The following EYS variants were observed in gnomAD, a reference collection of about 807,000 sequenced individuals.
EYS encodes the protein EGF-like photoreceptor maintenance factor.
EYS carries 250 observed loss-of-function variants against 282.1 expected under a neutral mutation model. The observed-to-expected ratio is 0.89, with a 90% CI of 0.80 to 0.98. EYS has a LOEUF of 0.98. Among genes scored for constraint, EYS ranks in the 50% least tolerant of loss-of-function variants. The pLI is 0.00. For missense variants in EYS, 4,016 were observed against 3,709.0 expected, an observed-to-expected ratio of 1.08 and a Z score of -2.15; for synonymous variants, 1,355 against 1,282.9, an observed-to-expected ratio of 1.06 and a Z score of -1.20.
At chr6:64,175,496 G>A (rs911386561) in intron 31 of EYS, among the ~76,000 whole-genome samples, 7 of 152,262 alleles carry the variant, frequency 4.6e-5, no homozygotes, top group African/African-American at 9.6e-5. Flanking sequence ...TCGTGAGAGC[G>A]TACGTAAATT....
intron 8 of EYS, among the ~76,000 whole-genome samples, chr6:65,363,427 A>C (rs1562123660): frequency 6.6e-6 from 1 of 151,936 alleles, no homozygotes; most frequent in Non-Finnish European, 1.5e-5. Context: ...GACTCTACTC[A>C]TTTTTTGTTA....
chr6:65,565,909 G>A lies in EYS; in HGVS notation c.-332-69916C>T, dbSNP rs9453332. 3.0e-3 allele frequency among the ~76,000 whole-genome samples: 449 copies of A among 152,020 alleles called. 3 individuals carry two copies. The highest frequency in any genetic ancestry group is 0.01 in the African/African-American group (426 of 41,478). ...TGGGAGTTGAACAATTAGAACATAC[G>A]GACACAGGGAGGGGAACATCACACA... On this transcript the variant is annotated intron_variant, in intron 2 of 42. Coordinates refer to ENST00000503581, the MANE Select transcript of EYS (RefSeq NM_001142800.2).
At chr6:64,095,978 T>A (rs1772594875) in intron 31 of EYS, among the ~76,000 whole-genome samples, 1 of 152,218 alleles carries the variant, frequency 6.6e-6, no homozygotes, top group Admixed American at 6.5e-5. Context: ...AGCATTTGCT[T>A]ATCTGTAAAG....
At chr6:65,062,235 A>G (rs780831896) in intron 12 of EYS, among the ~76,000 whole-genome samples, 1 of 151,890 alleles carries the variant, frequency 6.6e-6, no homozygotes, top group Non-Finnish European at 1.5e-5. Flanking sequence ...ATGGGCAAAC[A>G]AAACTCTCTA....
chr6:64,959,854 T>G (rs989893235), intron 14 of EYS, among the ~76,000 whole-genome samples: 2 of 151,354 alleles, frequency 1.3e-5, no homozygotes, highest in African/African-American at 4.9e-5. Flanking sequence ...GCAAACACAG[T>G]TAAGTAGTTC....
intron 12 of EYS, among the ~76,000 whole-genome samples, chr6:65,139,297 C>T (rs1004281387): frequency 6.6e-6 from 1 of 152,042 alleles, no homozygotes; most frequent in Non-Finnish European, 1.5e-5. Context: ...ATGGATGGAA[C>T]TGAAGGCCGT....
chr6:64,334,945 C>T (rs1297411803), intron 29 of EYS, among the ~76,000 whole-genome samples: 5 of 152,104 alleles, frequency 3.3e-5, no homozygotes, highest in Middle Eastern at 3.4e-3. Context: ...AGGTGTATGC[C>T]TAATGGTTCC....
chr6:64,463,991 A>C lies in EYS; in HGVS notation c.5645-24639T>G, dbSNP rs557464041. Among the ~76,000 whole-genome samples, 4 of 152,304 alleles carry C rather than the reference A, an allele frequency of 2.6e-5. No homozygotes were observed. In the South Asian group the frequency reaches 8.3e-4, roughly 32 times the overall value. On this transcript the variant is annotated intron_variant, in intron 26 of 42. Transcript: ENST00000503581. The stretch of plus-strand genomic sequence containing the variant: ...CAAAGCCAGATAAGGTCACAACAAA[A>C]AGATAAAATTACAGACCAACGTCCT...
chr6:64,946,033 G>T, intron 14 of EYS, 119 bp from the exon 15 acceptor site: 1 of 753,730 alleles, frequency 1.3e-6, no homozygotes, highest in Non-Finnish European at 2.0e-6. Context: ...TAGTTTTATA[G>T]AATGCCAATA....
intron 22 of EYS, among the ~76,000 whole-genome samples, chr6:64,755,350 G>C (rs1406757247): frequency 6.6e-6 from 1 of 151,978 alleles, no homozygotes; most frequent in Non-Finnish European, 1.5e-5. Flanking sequence ...AAACCCCAAA[G>C]CAATCTATAG....
intron 22 of EYS, among the ~76,000 whole-genome samples, chr6:64,629,485 T>G (rs549392471): frequency 1.3e-3 from 205 of 152,288 alleles, no homozygotes; most frequent in Non-Finnish European, 1.9e-3. Context: ...ATCTTAACAA[T>G]ACTGAGTTTT....
chr6:64,802,798 C>A (rs1764290003), intron 22 of EYS, among the ~76,000 whole-genome samples: 1 of 152,196 alleles, frequency 6.6e-6, no homozygotes, highest in Non-Finnish European at 1.5e-5. Flanking sequence ...TATGTATCAT[C>A]TATCTATGTG....
At chr6:64,165,406 T>A (rs1195974847) in intron 31 of EYS, among the ~76,000 whole-genome samples, 1 of 152,122 alleles carries the variant, frequency 6.6e-6, no homozygotes, top group Non-Finnish European at 1.5e-5. Flanking sequence ...ACAATAGTTT[T>A]CAATGAAACC....
At chr6:63,878,653 T>C (rs1027774190) in intron 35 of EYS, among the ~76,000 whole-genome samples, 3 of 152,170 alleles carry the variant, frequency 2.0e-5, no homozygotes, top group Non-Finnish European at 2.9e-5. Context: ...CTGCTTTGTT[T>C]ACCTACTCAA....
intron 5 of EYS, among the ~76,000 whole-genome samples, chr6:65,479,405 A>G (rs954158589): frequency 2.6e-5 from 4 of 152,218 alleles, no homozygotes; most frequent in African/African-American, 9.6e-5. Flanking sequence ...AGACTAAGAA[A>G]CTGGAAGATT....
rs148546399 is a variant in EYS at position 63,995,717 on chromosome 6, G to A, written c.6834+3358C>T. 3.6e-4 allele frequency among the ~76,000 whole-genome samples: 54 copies of A among 152,066 alleles called. 1 individual carries two copies. In the East Asian group the frequency reaches 0.01, roughly 29 times the overall value. On this transcript the variant is annotated intron_variant, in intron 34 of 42. Coordinates refer to ENST00000503581, the MANE Select transcript of EYS (RefSeq NM_001142800.2). ...GGATAAAGAAAATGTGGTATAGTAT[G>A]ATCTCACTTATATGTAGAATCTAAA...
chr6:64,589,907 T>C (rs944191418), intron 26 of EYS, among the ~76,000 whole-genome samples: 3 of 151,994 alleles, frequency 2.0e-5, no homozygotes, highest in African/African-American at 7.2e-5. Context: ...TTTCAAGAAA[T>C]GAGAATAATA....
chr6:65,687,593 A>G (rs1187834770), intron 1 of EYS, among the ~76,000 whole-genome samples: 1 of 152,130 alleles, frequency 6.6e-6, no homozygotes, highest in African/African-American at 2.4e-5. Flanking sequence ...ACAATCAGGC[A>G]AGAGAAGGAA....
chr6:64,911,605 G>C (rs949643162), intron 16 of EYS, among the ~76,000 whole-genome samples: 5 of 152,080 alleles, frequency 3.3e-5, no homozygotes, highest in Admixed American at 6.6e-5. Flanking sequence ...CCAGTGAGAG[G>C]CAGGAAAACA....
Sources: gnomAD v4.1 joint callset for allele counts (sites outside exome capture counted in the v4.1 genomes callset) on GRCh38, gnomAD v4.1.1 for gene constraint, MANE v1.5 for transcripts, NCBI Gene and HGNC (gene_info 2026-07-23, HGNC 2026-07-21) for gene names.